Variants in DGKB observed in about 807,000 individuals in gnomAD.
DGKB encodes diacylglycerol kinase beta.
Under a neutral mutation model 114.3 loss-of-function variants are expected in DGKB, and 67 were observed. The observed-to-expected ratio is 0.59, with a 90% confidence interval of 0.48 to 0.72. The LOEUF is 0.72. DGKB is among the 30% of genes least tolerant of loss of function. The pLI is 0.00. For missense variants in DGKB, 907 were observed against 975.2 expected (o/e 0.93, Z 0.93); for synonymous variants, 398 against 323.1 (o/e 1.23, Z -2.49).
At chr7:14,542,655 C>T (rs1350531222) in intron 20 of DGKB, among the ~76,000 whole-genome samples, 1 of 152,142 alleles carries the variant, frequency 6.6e-6, no homozygotes, top group African/African-American at 2.4e-5. Flanking sequence ...TATAATATTT[C>T]TGCTTTCCAG....
intron 20 of DGKB, among the ~76,000 whole-genome samples, chr7:14,512,205 T>C (rs539959141): frequency 6.6e-6 from 1 of 152,204 alleles, no homozygotes; most frequent in Non-Finnish European, 1.5e-5. Context: ...AAATGAGGTA[T>C]GCTTGTACTT....
At chr7:14,952,185 C>A (rs1052404352) in intron 1 of DGKB, among the ~76,000 whole-genome samples, 2 of 151,874 alleles carry the variant, frequency 1.3e-5, no homozygotes, top group African/African-American at 4.8e-5. Context: ...AAGGAACTAC[C>A]GGGAGAGAGA....
chr7:14,177,049 A>C, intron 24 of DGKB, 150 bp from the exon 25 acceptor site: 1 of 760,290 alleles, frequency 1.3e-6, no homozygotes, highest in East Asian at 2.7e-5. Context: ...TCAACTCTCC[A>C]CTATTAATAA....
intron 1 of DGKB, among the ~76,000 whole-genome samples, chr7:14,882,209 C>T (rs1170868630): frequency 6.6e-6 from 1 of 151,436 alleles, no homozygotes; most frequent in South Asian, 2.1e-4. Context: ...AAAGAGAAAT[C>T]GAGGATAAGA....
At position 14,672,916 on chromosome 7, in the gene DGKB, A is replaced by G. The variant is rs1436799911; in HGVS notation, c.1134+13T>C. 6.7e-7 allele frequency: 1 copy of G among 1,489,108 alleles called. No homozygotes were observed. Among genetic ancestry groups the G allele is most frequent in the Non-Finnish European group, 9.2e-7 (1 of 1,088,878 alleles). The allele number at this position is 1,489,108 out of a possible 1,614,324, so 92.2% of individuals were successfully genotyped here. ...AATCCTAAGTTATAGTAGAATGATA[A>G]GGAAAAACTCACCAGTACCACTGGA... On this transcript the variant is annotated intron_variant, in intron 13 of 25. Transcript: ENST00000402815.
chr7:14,699,513 T>C, intron 7 of DGKB, among the ~76,000 whole-genome samples: 1 of 152,196 alleles, frequency 6.6e-6, no homozygotes, highest in Non-Finnish European at 1.5e-5. Context: ...AAACATGTTA[T>C]TATACAAAAG....
intron 21 of DGKB, among the ~76,000 whole-genome samples, chr7:14,403,362 G>C (rs549371362): frequency 6.6e-6 from 1 of 151,972 alleles, no homozygotes; most frequent in Non-Finnish European, 1.5e-5. Flanking sequence ...TAATCCTCAT[G>C]CTTATTGGAG....
chr7:14,247,012 ATCTT>A (rs1470558084), intron 23 of DGKB, among the ~76,000 whole-genome samples: 1 of 152,042 alleles, frequency 6.6e-6, no homozygotes, highest in Admixed American at 6.6e-5. Flanking sequence ...ACTGGCAATG[ATCTT>A]TCTATTTCCT....
chr7:14,715,526 A>G (rs1400221753), intron 6 of DGKB, among the ~76,000 whole-genome samples: 1 of 152,150 alleles, frequency 6.6e-6, no homozygotes, highest in Non-Finnish European at 1.5e-5. Context: ...ACCCCAACAC[A>G]CACAGGCACA....
chr7:14,613,482 T>C, intron 15 of DGKB, 69 bp from the exon 16 acceptor site: 1 of 800,798 alleles, frequency 1.2e-6, no homozygotes, highest in South Asian at 1.6e-5. Flanking sequence ...TCCTTGTTAT[T>C]TCTAAATTAT....
intron 23 of DGKB, among the ~76,000 whole-genome samples, chr7:14,333,367 A>C (rs531490678): frequency 6.7e-4 from 102 of 151,642 alleles, no homozygotes; most frequent in African/African-American, 2.4e-3. Context: ...AGGCTGAGGC[A>C]GGAGAATGGC....
At chr7:14,288,806 C>T (rs185879869) in intron 23 of DGKB, among the ~76,000 whole-genome samples, 29 of 152,264 alleles carry the variant, frequency 1.9e-4, no homozygotes, top group African/African-American at 7.0e-4. Context: ...CACAGACAGA[C>T]GCATCCAAAC....
intron 21 of DGKB, among the ~76,000 whole-genome samples, chr7:14,423,636 G>C (rs1827067688): frequency 6.6e-6 from 1 of 152,072 alleles, no homozygotes; most frequent in South Asian, 2.1e-4. Flanking sequence ...ATGCAAAAGT[G>C]ATTCAGTATA....
chr7:14,252,149 G>A (rs1472884682), intron 23 of DGKB, among the ~76,000 whole-genome samples: 3 of 152,040 alleles, frequency 2.0e-5, no homozygotes, highest in Non-Finnish European at 4.4e-5. Context: ...TCTTGATGGT[G>A]TCCCATAAGT....
chr7:14,792,998 G>A (rs999245418), intron 2 of DGKB, among the ~76,000 whole-genome samples: 1 of 152,064 alleles, frequency 6.6e-6, no homozygotes, highest in African/African-American at 2.4e-5. Flanking sequence ...ACAGGTATGT[G>A]AAGATATACA....
intron 21 of DGKB, among the ~76,000 whole-genome samples, chr7:14,425,740 G>A (rs1426660529): frequency 6.6e-6 from 1 of 152,130 alleles, no homozygotes; most frequent in Non-Finnish European, 1.5e-5. Context: ...ACAACATCCT[G>A]CAGTATGTCA....
chr7:14,942,024 A>G (rs528272178), intron 1 of DGKB, among the ~76,000 whole-genome samples: 32 of 152,162 alleles, frequency 2.1e-4, no homozygotes, highest in Middle Eastern at 3.4e-3. Flanking sequence ...ATTTAAGTAA[A>G]TTAAGTAATA....
intron 15 of DGKB, among the ~76,000 whole-genome samples, chr7:14,617,277 C>G (rs930426565): frequency 6.6e-6 from 1 of 151,662 alleles, no homozygotes; most frequent in African/African-American, 2.4e-5. Context: ...CATACAGATG[C>G]TCCCCTATCT....
chr7:14,964,398 G>A (rs1311333459), intron 1 of DGKB, among the ~76,000 whole-genome samples: 1 of 152,124 alleles, frequency 6.6e-6, no homozygotes, highest in African/African-American at 2.4e-5. Context: ...TACTTGGGAG[G>A]CTGAGGTGGG....
Sources: gnomAD v4.1 joint callset for allele counts (sites outside exome capture counted in the v4.1 genomes callset) on GRCh38, gnomAD v4.1.1 for gene constraint, MANE v1.5 for transcripts, NCBI Gene and HGNC (gene_info 2026-07-23, HGNC 2026-07-21) for gene names.